The following COL17A1 variants were observed in gnomAD, a reference collection of about 807,000 sequenced individuals.
COL17A1 encodes the protein collagen alpha-1(XVII) chain.
A neutral mutation model predicts 218.4 loss-of-function variants in COL17A1; 181 were observed. The ratio of observed to expected loss-of-function variants is 0.83; its 90% CI spans 0.73 to 0.94. The LOEUF (loss-of-function observed/expected upper bound fraction) is 0.94, where lower values mean the gene tolerates loss of function less well. Among genes scored for constraint, COL17A1 ranks in the 40% least tolerant of loss-of-function variants. The pLI, the probability that COL17A1 is intolerant of heterozygous loss-of-function variation, is 0.00. For missense variants in COL17A1, 1,924 were observed against 1,945.9 expected, an observed-to-expected ratio of 0.99 and a Z score of 0.21; for synonymous variants, 721 against 731.0, an observed-to-expected ratio of 0.99 and a Z score of 0.22.
At position 104,054,101 on chromosome 10, in the gene COL17A1, C is replaced by T. The variant is rs1301380443; in HGVS notation, c.1762G>A (p.Gly588Arg). 2 of 1,611,664 alleles carry T rather than the reference C, an allele frequency of 1.2e-6. No individual in the cohort carries two copies. Among genetic ancestry groups the T allele is most frequent in the East Asian group, 2.2e-5 (1 of 44,848 alleles). Residue 588 changes from glycine (G) to arginine (R), a missense_variant, in exon 21 of 56, where the codon GGG (glycine) becomes AGG (arginine). Coordinates refer to ENST00000648076, the MANE Select transcript of COL17A1 (RefSeq NM_000494.4). ...PGPKGDRGFP[G>R]TPGIPGPLGH... ...ATCAGAGAGTACATACCTGGAGTCCCAGGGAACCCTCGATCTCCTGCAGGA... is the reference window on the plus strand; with the variant it reads ...ATCAGAGAGTACATACCTGGAGTCCTAGGGAACCCTCGATCTCCTGCAGGA...
At chr10:104,048,412 G>A (rs1168467667) in intron 29 of COL17A1, among the ~76,000 whole-genome samples, 2 of 152,170 alleles carry the variant, frequency 1.3e-5, no homozygotes, top group African/African-American at 4.8e-5. Flanking sequence ...CCATGTTCTT[G>A]TCTCCTCTGC....
Position 104,034,229 on chromosome 10 carries a change from C to T in COL17A1, c.3872G>A (p.Gly1291Asp), listed in dbSNP as rs781143436. ...TGAGCTGTGTGAGGAGGAGCTGCTA[C>T]CCCGACTGTGGGAGGCATCCGTGGA... Reference protein sequence around the residue: ...LLSTDASHSRGSSSSSHSSSV... With the variant: ...LLSTDASHSRDSSSSSHSSSV... Residue 1291 changes from glycine to aspartate, a missense_variant, in exon 52 of 56, where the codon GGT becomes GAT. Transcript: ENST00000648076. The T allele has an allele frequency of 2.5e-6, 4 of 1,612,002 alleles. No homozygotes were observed. The highest frequency in any genetic ancestry group is 3.3e-5 in the Admixed American group (2 of 59,926).
At position 104,051,502 on chromosome 10, in the gene COL17A1, G is replaced by A; in HGVS notation, c.2017C>T (p.Pro673Ser). The A allele has an allele frequency of 6.2e-7, 1 of 1,614,100 alleles. No individual in the cohort carries two copies. Among genetic ancestry groups the A allele is most frequent in the South Asian group, 1.1e-5 (1 of 91,054 alleles). The change falls in exon 25 of 56, where the codon CCT (proline) becomes TCT (serine). Residue 673 changes from proline (P) to serine (S), a missense_variant. Coordinates refer to ENST00000648076, the MANE Select transcript of COL17A1 (RefSeq NM_000494.4). The stretch of plus-strand genomic sequence containing the variant: ...TGACCTGGAGGGCCCTGTGGGCCAG[G>A]AGAGCCGCTGGAACCTGAGAAGGAG... ...SVGPKGSSGSPGPQGPPGPVG... is the reference protein window; with the variant it reads ...SVGPKGSSGSSGPQGPPGPVG...
intron 9 of COL17A1, among the ~76,000 whole-genome samples, chr10:104,065,562 G>C (rs2086619668): frequency 6.6e-6 from 1 of 152,188 alleles, no homozygotes; most frequent in South Asian, 2.1e-4. Context: ...TCAATGCCTG[G>C]TGCTTGGCAT....
chr10:104,054,535 C>T (rs542243754), intron 20 of COL17A1, among the ~76,000 whole-genome samples: 2 of 152,064 alleles, frequency 1.3e-5, no homozygotes, highest in South Asian at 2.1e-4. Flanking sequence ...AGAAGAGACT[C>T]GAGGGCCCCA....
Position 104,055,873 on chromosome 10 carries a change from T to C in COL17A1, c.1596A>G (p.Gly532=), listed in dbSNP as rs750903501. The change falls in exon 18 of 56, where the codon GGA becomes GGG. Residue 532 remains glycine, a synonymous_variant. Transcript: ENST00000648076. ...DRLQGMAPAA[G]ADLDKIGLHS... is the part of the protein sequence containing the mutation. ...GCAGCCCAATTTTGTCCAGGTCTGC[T>C]CCCGCCGCGGGTGCCATGCCCTGGA... 1.2e-5 allele frequency: 19 copies of C among 1,614,178 alleles called. No homozygotes were observed. Among genetic ancestry groups the C allele is most frequent in the Non-Finnish European group, 1.6e-5 (19 of 1,180,044 alleles).
At chr10:104,076,218 G>C in intron 5 of COL17A1, 83 bp downstream of exon 5, 1 of 1,603,750 alleles carries the variant, frequency 6.2e-7, no homozygotes, top group Non-Finnish European at 8.5e-7. Context: ...AGACACAGGT[G>C]GCCAGCATGT....
At chr10:104,056,398 C>T (rs1219406620) in intron 17 of COL17A1, among the ~76,000 whole-genome samples, 2 of 151,954 alleles carry the variant, frequency 1.3e-5, no homozygotes. Flanking sequence ...CTGGCTAACA[C>T]AGTGAAACCC....
chr10:104,077,614 G>A (rs778259172), intron 3 of COL17A1, 88 bp from the exon 4 acceptor site: 78 of 1,058,560 alleles, frequency 7.4e-5, no homozygotes, highest in Non-Finnish European at 9.8e-5. Context: ...GGCTTCCCTG[G>A]TTTTTCACCA....
intron 5 of COL17A1, among the ~76,000 whole-genome samples, chr10:104,074,984 TC>T (rs2086697979): frequency 2.0e-5 from 3 of 152,212 alleles, no homozygotes; most frequent in Admixed American, 2.0e-4. Context: ...CTTCTACGAC[TC>T]CTTCTTGACC....
At chr10:104,032,595 ACAAATCACCTGCTTCTCTAATGAG>A (rs1395891490) in intron 55 of COL17A1, 55 bp downstream of exon 55, 1 of 1,457,512 alleles carries the variant, frequency 6.9e-7, no homozygotes, top group Non-Finnish European at 9.6e-7. Context: ...TTGCTCTGGA[ACAAATCACCTGCTTCTCTAATGAG>A]CGTCAGCCTT....
In COL17A1 at chr10:104,034,636, T is replaced by A; in HGVS notation, c.3751A>T (p.Ile1251Phe). 1 of 1,610,488 alleles carries A rather than the reference T, an allele frequency of 6.2e-7. No homozygotes were observed. Among genetic ancestry groups the A allele is most frequent in the Non-Finnish European group, 8.5e-7 (1 of 1,178,582 alleles). The change falls in exon 51 of 56, where the codon ATC becomes TTC. Residue 1251 changes from isoleucine (I) to phenylalanine (F), a missense_variant. Transcript: ENST00000648076. The stretch of plus-strand genomic sequence containing the variant: ...GGGCACCTACTTGTGAGGTAGCTGA[T>A]CAGCTCGCTCCGGAAGCTGTCGCTG... ...ENSDSFRSEL[I>F]SYLTSPDVRS...
At chr10:104,063,537 C>T (rs1437900610) in intron 11 of COL17A1, 10 of 714,746 alleles carry the variant, frequency 1.4e-5, no homozygotes, top group South Asian at 4.7e-5. Flanking sequence ...AGAATACGCA[C>T]GTCAATGTGG....
At chr10:104,081,885 C>T (rs966375670) in intron 1 of COL17A1, among the ~76,000 whole-genome samples, 9 of 152,172 alleles carry the variant, frequency 5.9e-5, no homozygotes, top group Non-Finnish European at 1.5e-5. Flanking sequence ...GGATTATGTC[C>T]TTCTTTATAC....
At position 104,058,156 on chromosome 10, in the gene COL17A1, G is replaced by A. The variant is rs1327357689; in HGVS notation, c.1257C>T (p.Thr419=). ...GCGGTTCTCACCCACCTGCAGTGGTGGTCTTGCCCTTTGTGGACACAGTCT... is the reference window on the plus strand; with the variant it reads ...GCGGTTCTCACCCACCTGCAGTGGTAGTCTTGCCCTTTGTGGACACAGTCT... The part of the protein sequence containing the change: ...DLKTVSTKGK[T]TTADIHSYGS... Residue 419 remains threonine (T), a synonymous_variant, in exon 16 of 56, where the codon ACC becomes ACT. Transcript: ENST00000648076. 2 of 1,614,090 alleles carry A rather than the reference G, an allele frequency of 1.2e-6. No homozygotes were observed. The highest frequency in any genetic ancestry group is 1.3e-5 in the African/African-American group (1 of 74,938).
intron 1 of COL17A1, among the ~76,000 whole-genome samples, chr10:104,082,325 A>G (rs981399973): frequency 5.9e-5 from 9 of 152,244 alleles, no homozygotes; most frequent in African/African-American, 1.7e-4. Flanking sequence ...TATAACCTAT[A>G]TGACTTATGT....
rs199841218 is a variant in COL17A1 at position 104,050,854 on chromosome 10, C to A, written c.2086G>T (p.Val696Phe). Reference protein sequence around the residue: ...GLRGEVGLPGVKGDKGPMGPP... With the variant: ...GLRGEVGLPGFKGDKGPMGPP... The stretch of plus-strand genomic sequence containing the variant: ...AGGCCTCCCTCCAGCTTACCTTTGA[C>A]ACCAGGAAGTCCTACTTCACCTCGG... Residue 696 changes from valine (V) to phenylalanine (F), a missense_variant, in exon 26 of 56, where the codon GTC (valine) becomes TTC (phenylalanine). Physicochemically the swap from Val to Phe is conservative, Grantham distance 50. Transcript: ENST00000648076. The A allele has an allele frequency of 6.2e-7, 1 of 1,614,174 alleles. No individual in the cohort carries two copies. Among genetic ancestry groups the A allele is most frequent in the Admixed American group, 1.7e-5 (1 of 60,036 alleles).
chr10:104,061,468 C>T lies in COL17A1; in HGVS notation c.916G>A (p.Gly306Arg). The change falls in exon 13 of 56, where the codon GGG (glycine) becomes AGG (arginine). Residue 306 changes from glycine to arginine, a missense_variant. Transcript: ENST00000648076. Reference sequence around the variant, plus strand: ...CTCTGGGGCATGTTTTTCTTCACCCCATATGCTGCAAGAAAGGAAGCTGGG... The same window carrying T: ...CTCTGGGGCATGTTTTTCTTCACCCTATATGCTGCAAGAAAGGAAGCTGGG... ...HGTTTTSTAYGVKKNMPQSPA... is the reference protein window; with the variant it reads ...HGTTTTSTAYRVKKNMPQSPA... 1 of 1,613,144 alleles carries T rather than the reference C, an allele frequency of 6.2e-7. No homozygotes were observed. The highest frequency in any genetic ancestry group is 8.5e-7 in the Non-Finnish European group (1 of 1,179,694).
At chr10:104,057,315 G>A in intron 16 of COL17A1, 143 bp from the exon 17 acceptor site, 1 of 1,346,708 alleles carries the variant, frequency 7.4e-7, no homozygotes, top group Non-Finnish European at 1.0e-6. Context: ...CCCAGGACAG[G>A]GCTGGCTCCT....
Sources: gnomAD v4.1 joint callset for allele counts (sites outside exome capture counted in the v4.1 genomes callset) on GRCh38, gnomAD v4.1.1 for gene constraint, MANE v1.5 for transcripts, NCBI Gene and HGNC (gene_info 2026-07-23, HGNC 2026-07-21) for gene names.